The following LARGE1 variants were observed in gnomAD, a reference collection of about 807,000 sequenced individuals.
LARGE1 encodes LARGE xylosyl- and glucuronyltransferase 1.
LARGE1 carries 43 observed loss-of-function variants against 87.6 expected under a neutral mutation model. That is an observed-to-expected ratio of 0.49 (90% CI 0.38 to 0.63). The LOEUF is 0.63. Ranked by LOEUF, LARGE1 falls within the 30% of genes least tolerant of loss-of-function variation. LARGE1 has a pLI of 0.00. For missense variants in LARGE1, 802 were observed against 1,000.2 expected (o/e 0.80, Z 2.67); for synonymous variants, 434 against 394.6 (o/e 1.10, Z -1.18).
chr22:33,701,387 T>A (rs1289158305), intron 2 of LARGE1, among the ~76,000 whole-genome samples: 1 of 152,200 alleles, frequency 6.6e-6, no homozygotes, highest in Non-Finnish European at 1.5e-5. Flanking sequence ...GCAATTAGTC[T>A]CGGCAGCGCG....
intron 7 of LARGE1, among the ~76,000 whole-genome samples, chr22:33,385,079 G>A (rs1373312950): frequency 6.7e-6 from 1 of 148,530 alleles, no homozygotes; most frequent in African/African-American, 2.4e-5. Context: ...TCTTTAAGGT[G>A]AGCTCCAGAA....
chr22:33,693,265 G>A (rs2082145992), intron 2 of LARGE1, among the ~76,000 whole-genome samples: 1 of 152,142 alleles, frequency 6.6e-6, no homozygotes, highest in Non-Finnish European at 1.5e-5. Context: ...CTGGGAGGGA[G>A]TGAGAGCCAA....
the LARGE1 span, among the ~76,000 whole-genome samples, chr22:33,081,539 G>A: frequency 2.6e-5 from 4 of 152,182 alleles, no homozygotes; most frequent in African/African-American, 4.8e-5. Flanking sequence ...ACGGGTGCAG[G>A]GGGAAGCAGA....
intron 2 of LARGE1, among the ~76,000 whole-genome samples, chr22:33,671,152 G>A (rs926356663): frequency 2.0e-5 from 3 of 152,140 alleles, no homozygotes; most frequent in Non-Finnish European, 2.9e-5. Flanking sequence ...AAAAAACTTG[G>A]AACTTTATCC....
At chr22:33,305,996 G>A (rs751476176) in intron 11 of LARGE1, among the ~76,000 whole-genome samples, 48 of 151,896 alleles carry the variant, frequency 3.2e-4, no homozygotes, top group Non-Finnish European at 6.6e-4. Context: ...CCGCTACCAC[G>A]CCCGGCTAAT....
intron 6 of LARGE1, among the ~76,000 whole-genome samples, chr22:33,546,455 G>A (rs1202259122): frequency 6.6e-6 from 1 of 152,140 alleles, no homozygotes; most frequent in Non-Finnish European, 1.5e-5. Flanking sequence ...CTGTCTCCAT[G>A]GCAACACCAT....
At chr22:33,888,969 G>C (rs143281441) in intron 1 of LARGE1, among the ~76,000 whole-genome samples, 1 of 152,192 alleles carries the variant, frequency 6.6e-6, no homozygotes, top group Admixed American at 6.5e-5. Context: ...CTTACTTAAA[G>C]TCAGTTACAC....
intron 1 of LARGE1, among the ~76,000 whole-genome samples, chr22:33,767,078 C>A (rs1455083953): frequency 6.6e-6 from 1 of 150,940 alleles, no homozygotes; most frequent in Non-Finnish European, 1.5e-5. Flanking sequence ...CTTTGGGAGG[C>A]CGAGGCAGGT....
intron 2 of LARGE1, among the ~76,000 whole-genome samples, chr22:33,683,320 A>G (rs1364684210): frequency 2.6e-5 from 4 of 152,238 alleles, no homozygotes; most frequent in Non-Finnish European, 4.4e-5. Flanking sequence ...CTGACAGCTG[A>G]GCTGGGACAC....
chr22:33,311,976 C>G (rs1935647985), intron 11 of LARGE1, among the ~76,000 whole-genome samples: 1 of 152,152 alleles, frequency 6.6e-6, no homozygotes, highest in Admixed American at 6.5e-5. Context: ...AGCTCTCTGT[C>G]CTTCCGTCTA....
At chr22:33,423,008 AT>A (rs397722052) in intron 7 of LARGE1, among the ~76,000 whole-genome samples, 20,883 of 146,944 alleles carry the variant, frequency 0.14, 3,376 homozygotes, top group African/African-American at 0.41. Flanking sequence ...TTTTAAAACC[AT>A]TTTTTTTTTT....
chr22:33,649,589 A>C (rs748688576), intron 3 of LARGE1, among the ~76,000 whole-genome samples: 3 of 152,224 alleles, frequency 2.0e-5, no homozygotes, highest in Non-Finnish European at 4.4e-5. Flanking sequence ...TGGAGTTCAC[A>C]GAAGTTATGC....
At chr22:33,234,379 C>T (rs1038501974) in intron 11 of LARGE1, among the ~76,000 whole-genome samples, 1 of 152,188 alleles carries the variant, frequency 6.6e-6, no homozygotes, top group African/African-American at 2.4e-5. Flanking sequence ...AAGGAACAAT[C>T]CTACCTGTCA....
At chr22:33,725,410 T>G (rs1354794347) in intron 2 of LARGE1, among the ~76,000 whole-genome samples, 2 of 152,206 alleles carry the variant, frequency 1.3e-5, no homozygotes, top group Non-Finnish European at 2.9e-5. Context: ...CCAGCTGCTC[T>G]GATTCACAGA....
the LARGE1 span, among the ~76,000 whole-genome samples, chr22:33,149,101 G>A: frequency 6.7e-6 from 1 of 149,736 alleles, no homozygotes. Flanking sequence ...GCAGTGGCGC[G>A]ATCTCGGCTC....
intron 11 of LARGE1, among the ~76,000 whole-genome samples, chr22:33,190,827 C>T (rs78374208): frequency 0.032 from 4,829 of 152,260 alleles, 267 homozygotes; most frequent in African/African-American, 0.11. Flanking sequence ...ATACTCAATG[C>T]ATTTCTCCCT....
chr22:33,302,952 T>A (rs1300739889), intron 12 of LARGE1, among the ~76,000 whole-genome samples: 2 of 152,200 alleles, frequency 1.3e-5, no homozygotes, highest in Non-Finnish European at 2.9e-5. Flanking sequence ...TCACCTCTCA[T>A]GGTACCTGGA....
chr22:33,764,282 C>A (rs2084829821), intron 1 of LARGE1, among the ~76,000 whole-genome samples: 1 of 152,170 alleles, frequency 6.6e-6, no homozygotes, highest in African/African-American at 2.4e-5. Flanking sequence ...CTACTCAATT[C>A]TCCTTCCAGA....
intron 11 of LARGE1, among the ~76,000 whole-genome samples, chr22:33,228,580 A>G (rs1925850901): frequency 6.6e-6 from 1 of 152,244 alleles, no homozygotes; most frequent in African/African-American, 2.4e-5. Flanking sequence ...AGTACCATAA[A>G]TATTGGTCAA....
Sources: gnomAD v4.1 joint callset for allele counts (sites outside exome capture counted in the v4.1 genomes callset) on GRCh38, gnomAD v4.1.1 for gene constraint, MANE v1.5 for transcripts, NCBI Gene and HGNC (gene_info 2026-07-23, HGNC 2026-07-21) for gene names.